The following BANP variants were observed in gnomAD, a reference collection of about 807,000 sequenced individuals.
BANP encodes protein BANP.
Under a neutral mutation model 68.1 loss-of-function variants are expected in BANP, and 11 were observed. That is an observed-to-expected ratio of 0.16 (90% CI 0.10 to 0.27). The LOEUF (loss-of-function observed/expected upper bound fraction) is 0.27, where lower values mean the gene tolerates loss of function less well. Among genes scored for constraint, BANP ranks in the 10% least tolerant of loss-of-function variants. The pLI, the probability that BANP is intolerant of heterozygous loss-of-function variation, is 1.00. For synonymous variants in BANP, 329 were observed against 303.2 expected (o/e 1.09, Z -0.88); for missense variants, 504 against 722.7 (o/e 0.70, Z 3.47).
At chr16:88,037,681 C>A (rs1433918669) in intron 10 of BANP, 1 of 433,740 alleles carries the variant, frequency 2.3e-6, no homozygotes, top group Non-Finnish European at 4.2e-6. Context: ...GAGTCAGATT[C>A]TTTCAAAATA....
At position 88,008,499 on chromosome 16, in the gene BANP, A is replaced by G. The variant is rs538088785; in HGVS notation, c.655+2234A>G. Among the ~76,000 whole-genome samples, 3 of 152,296 alleles carry G rather than the reference A, an allele frequency of 2.0e-5. No homozygotes were observed. In the South Asian group the frequency reaches 6.2e-4, roughly 32 times the overall value. On this transcript the variant is annotated intron_variant, in intron 6 of 13. Transcript: ENST00000682872. ...GATCTGGCCACCCCCTTCAGGCCTG[A>G]TGTTTGTTTGATTGAAACTGTGTTA...
chr16:88,059,259 C>T lies in BANP; in HGVS notation c.1312-6008C>T, dbSNP rs534785148. Reference sequence around the variant, plus strand: ...AAGGGCAGGTGGGGGTGGGGTGGGGCGGGCGGAGGTGTGTGAAGGTGTGGA... The same window carrying T: ...AAGGGCAGGTGGGGGTGGGGTGGGGTGGGCGGAGGTGTGTGAAGGTGTGGA... On this transcript the variant is annotated intron_variant, in intron 11 of 13. Transcript: ENST00000682872. Among the ~76,000 whole-genome samples the T allele has an allele frequency of 3.5e-3, 33 of 9,504 alleles. 1 individual carries two copies. The highest frequency in any genetic ancestry group is 0.015 in the Admixed American group (8 of 524). 6.2% of individuals were successfully genotyped at this position (9,504 alleles called of 152,430 possible).
intron 1 of BANP, among the ~76,000 whole-genome samples, chr16:87,955,957 G>T (rs796457364): frequency 6.6e-6 from 1 of 152,180 alleles, no homozygotes; most frequent in Non-Finnish European, 1.5e-5. Flanking sequence ...CTGCAGGCAG[G>T]TGGCCAGGTG....
Position 88,071,917 on chromosome 16 carries a change from C to A in BANP, c.1378-152C>A, listed in dbSNP as rs1364547249. The A allele has an allele frequency of 1.0e-6, 1 of 982,690 alleles. No homozygotes were observed. The highest frequency in any genetic ancestry group is 1.4e-5 in the South Asian group (1 of 71,894). The allele number at this position is 982,690 out of a possible 1,614,324, so 60.9% of individuals were successfully genotyped here. Reference sequence around the variant, plus strand: ...AGAGCGATGGGGAGACAGGATGTGCCGCAGAGTCCTCGGTGTGGCCCTGAG... The same window carrying A: ...AGAGCGATGGGGAGACAGGATGTGCAGCAGAGTCCTCGGTGTGGCCCTGAG... On this transcript the variant is annotated intron_variant, in intron 12 of 13. Coordinates refer to ENST00000682872, the MANE Select transcript of BANP (RefSeq NM_001386991.1). This position sits in a 1 kb window ranked among gnomAD's most constrained non-coding sequence, Gnocchi z 6.5.
At chr16:87,980,169 C>A (rs2062977709) in intron 2 of BANP, among the ~76,000 whole-genome samples, 1 of 152,182 alleles carries the variant, frequency 6.6e-6, no homozygotes, top group African/African-American at 2.4e-5. Context: ...AAAAAACACT[C>A]ATGACACAAT....
Position 87,975,217 on chromosome 16 carries a change from T to C in BANP, c.70+32T>C, listed in dbSNP as rs1445058743. 5.0e-6 allele frequency: 8 copies of C among 1,606,650 alleles called. No individual in the cohort carries two copies. In the East Asian group the frequency reaches 6.7e-5, roughly 13 times the overall value. On this transcript the variant is annotated intron_variant, in intron 2 of 13. Transcript: ENST00000682872. ...AGCTGTGGGACAGTAGGTGAAATAT[T>C]ATTCTCTTTATTCTTCAAAAACCAA...
At chr16:87,968,621 A>G (rs866483386) in intron 1 of BANP, among the ~76,000 whole-genome samples, 1 of 152,190 alleles carries the variant, frequency 6.6e-6, no homozygotes, top group African/African-American at 2.4e-5. Context: ...GAGCTGAAAG[A>G]TCCTCTTCAG....
intron 4 of BANP, among the ~76,000 whole-genome samples, chr16:87,993,622 CAG>C (rs61708498): frequency 0.63 from 94,238 of 150,132 alleles, 29,879 homozygotes; most frequent in African/African-American, 0.67. Flanking sequence ...TCTTTTGAGA[CAG>C]AGTTTTGTTC....
chr16:88,010,130 G>T (rs1422267993), intron 6 of BANP, among the ~76,000 whole-genome samples: 1 of 152,248 alleles, frequency 6.6e-6, no homozygotes, highest in Non-Finnish European at 1.5e-5. Context: ...TTTTGTACTT[G>T]AAAGTGTGTG....
chr16:88,011,427 G>A (rs552940795), intron 6 of BANP, among the ~76,000 whole-genome samples: 52 of 152,300 alleles, frequency 3.4e-4, no homozygotes, highest in African/African-American at 1.2e-3. Flanking sequence ...GGTTCTCTGC[G>A]TGACCCGGAG....
chr16:88,016,703 C>T (rs2074651234), intron 6 of BANP, among the ~76,000 whole-genome samples: 1 of 152,216 alleles, frequency 6.6e-6, no homozygotes, highest in African/African-American at 2.4e-5. Context: ...ACCCATTAGC[C>T]TTGAGGTCAC....
intron 11 of BANP, among the ~76,000 whole-genome samples, chr16:88,060,093 C>T (rs1296159098): frequency 6.6e-6 from 1 of 152,266 alleles, no homozygotes; most frequent in Non-Finnish European, 1.5e-5. Context: ...TCTGCTGTGG[C>T]CGAAGGTGCC....
intron 6 of BANP, 31 bp downstream of exon 6, chr16:88,006,296 G>T: frequency 6.4e-7 from 1 of 1,555,668 alleles, no homozygotes. Flanking sequence ...CTCGGCCAGA[G>T]CGCCAGTACA....
intron 6 of BANP, among the ~76,000 whole-genome samples, chr16:88,015,556 T>C (rs2074347328): frequency 6.6e-6 from 1 of 152,224 alleles, no homozygotes; most frequent in Admixed American, 6.5e-5. Context: ...CTCTGGAATG[T>C]TCTCTGGAGT....
chr16:87,998,689 C>A (rs1444044695), intron 4 of BANP, among the ~76,000 whole-genome samples: 1 of 144,958 alleles, frequency 6.9e-6, no homozygotes, highest in Non-Finnish European at 1.5e-5. Flanking sequence ...CGCGGCTGGA[C>A]TTACCTGTCC....
intron 4 of BANP, among the ~76,000 whole-genome samples, chr16:87,986,936 A>G (rs577265789): frequency 2.0e-5 from 3 of 152,298 alleles, no homozygotes; most frequent in East Asian, 1.9e-4. Context: ...GATTATTAAT[A>G]TTGCTAATAA....
chr16:87,992,873 A>G (rs530322987), intron 4 of BANP, among the ~76,000 whole-genome samples: 1 of 151,898 alleles, frequency 6.6e-6, no homozygotes, highest in East Asian at 1.9e-4. Flanking sequence ...CTTTTCCCCT[A>G]AATTCTAGAG....
intron 1 of BANP, among the ~76,000 whole-genome samples, chr16:87,960,499 T>C (rs563712134): frequency 6.6e-6 from 1 of 152,316 alleles, no homozygotes; most frequent in South Asian, 2.1e-4. Flanking sequence ...ACCTTCTATT[T>C]TGGAACATTT....
At chr16:88,023,858 G>A (rs1307459198) in intron 7 of BANP, among the ~76,000 whole-genome samples, 1 of 152,228 alleles carries the variant, frequency 6.6e-6, no homozygotes, top group Non-Finnish European at 1.5e-5. Flanking sequence ...TGGCAGGGAT[G>A]CTGCCTGGCT....
Sources: gnomAD v4.1 joint callset for allele counts (sites outside exome capture counted in the v4.1 genomes callset) on GRCh38, gnomAD v4.1.1 for gene constraint, Gnocchi (gnomAD v3.1) non-coding constraint, MANE v1.5 for transcripts, NCBI Gene and HGNC (gene_info 2026-07-23, HGNC 2026-07-21) for gene names.